SLCO2B1: variants seen among roughly 807,000 people sequenced by gnomAD.
SLCO2B1 encodes the protein OATP-RP2.
A neutral mutation model predicts 67.3 loss-of-function variants in SLCO2B1; 41 were observed. That is an observed-to-expected ratio of 0.61 (90% CI 0.47 to 0.79). SLCO2B1 has a LOEUF of 0.79. SLCO2B1 is among the 30% of genes least tolerant of loss of function. The pLI is 0.00. For missense variants in SLCO2B1, 837 were observed against 920.1 expected (o/e 0.91, Z 1.17); for synonymous variants, 379 against 381.4 (o/e 0.99, Z 0.07).
intron 7 of SLCO2B1, among the ~76,000 whole-genome samples, chr11:75,182,497 C>A (rs532672795): frequency 3.3e-5 from 5 of 152,334 alleles, no homozygotes; most frequent in African/African-American, 1.2e-4. Context: ...AATCTCAGCA[C>A]TTTGGGATGC....
intron 1 of SLCO2B1, chr11:75,160,014 A>C (rs747910648): frequency 3.2e-5 from 8 of 246,166 alleles, no homozygotes; most frequent in Non-Finnish European, 4.5e-5. Flanking sequence ...AGCTAAGTGG[A>C]GGGTCCAGGG....
intron 7 of SLCO2B1, among the ~76,000 whole-genome samples, chr11:75,182,480 C>A (rs938506808): frequency 1.3e-5 from 2 of 152,200 alleles, no homozygotes; most frequent in Admixed American, 1.3e-4. Context: ...CAGTGGCTCA[C>A]GCCTGTAATC....
chr11:75,177,235 T>C (rs1950036910), intron 7 of SLCO2B1, among the ~76,000 whole-genome samples: 1 of 152,206 alleles, frequency 6.6e-6, no homozygotes, highest in Non-Finnish European at 1.5e-5. Context: ...TGTGTTTTTA[T>C]ACCTGTCTAA....
At chr11:75,179,534 C>T (rs1328218088) in intron 7 of SLCO2B1, among the ~76,000 whole-genome samples, 2 of 151,848 alleles carry the variant, frequency 1.3e-5, no homozygotes, top group African/African-American at 4.8e-5. Flanking sequence ...GCCCAGCCTA[C>T]ATGAGATATT....
At chr11:75,166,865 G>A (rs540702721) in intron 4 of SLCO2B1, among the ~76,000 whole-genome samples, 1 of 152,258 alleles carries the variant, frequency 6.6e-6, no homozygotes, top group South Asian at 2.1e-4. Flanking sequence ...GCCTTTCTAG[G>A]GGAAGAAGAC....
chr11:75,156,185 A>G (rs1949744298), intron 1 of SLCO2B1, among the ~76,000 whole-genome samples: 3 of 152,212 alleles, frequency 2.0e-5, no homozygotes, highest in Admixed American at 6.5e-5. Context: ...TGACAAAACA[A>G]ATATTTGAAT....
intron 6 of SLCO2B1, among the ~76,000 whole-genome samples, chr11:75,170,867 T>G (rs965242696): frequency 5.9e-5 from 9 of 152,200 alleles, no homozygotes; most frequent in Non-Finnish European, 1.2e-4. Flanking sequence ...GTGTGTTTTC[T>G]GACTCTGTTG....
At chr11:75,197,642 C>T (rs76427352) in intron 10 of SLCO2B1, among the ~76,000 whole-genome samples, 2 of 152,274 alleles carry the variant, frequency 1.3e-5, no homozygotes, top group East Asian at 1.9e-4. Flanking sequence ...TGTTTGATCA[C>T]GCTTGAGGCC....
At position 75,193,544 on chromosome 11, in the gene SLCO2B1, C is replaced by T; in HGVS notation, c.1402C>T (p.His468Tyr). 4 of 1,568,560 alleles carry T rather than the reference C, an allele frequency of 2.6e-6. No homozygotes were observed. The highest frequency in any genetic ancestry group is 3.5e-6 in the Non-Finnish European group (4 of 1,156,230). Residue 468 changes from histidine (H) to tyrosine (Y), a missense_variant, in exon 9 of 14, where the codon CAC (histidine) becomes TAC (tyrosine). Coordinates refer to ENST00000289575, the MANE Select transcript of SLCO2B1 (RefSeq NM_007256.5). This position sits in a 1 kb window ranked among gnomAD's most constrained non-coding sequence, Gnocchi z 4.2. ...GCTCTTCTTTATCGGCTGCTCCAGC[C>T]ACCAGATTGCGGGCATCACACACCA... ...LPLFFIGCSS[H>Y]QIAGITHQTS...
chr11:75,199,927 T>A, intron 10 of SLCO2B1: 1 of 411,334 alleles, frequency 2.4e-6, no homozygotes, highest in South Asian at 3.8e-5. Flanking sequence ...GTGTGTAGAA[T>A]GTGGGGGAAT....
At position 75,204,680 on chromosome 11, in the gene SLCO2B1, C is replaced by T; in HGVS notation, c.*100C>T. On this transcript the variant is annotated 3_prime_UTR_variant, in exon 14 of 14. Transcript: ENST00000289575. Reference sequence around the variant, plus strand: ...GGTGTCAAGAGCCCTGTGTTCCATTCTGGCTCCTCCACTAAATTGCTGTGT... The same window carrying T: ...GGTGTCAAGAGCCCTGTGTTCCATTTTGGCTCCTCCACTAAATTGCTGTGT... 9.7e-7 allele frequency: 1 copy of T among 1,025,930 alleles called. No homozygotes were observed. The highest frequency in any genetic ancestry group is 2.0e-5 in the South Asian group (1 of 48,984). 63.6% of individuals were successfully genotyped at this position (1,025,930 alleles called of 1,614,324 possible). A position where few individuals can be genotyped will look rare whatever the true frequency, so the allele number is the denominator to read the frequency against.
chr11:75,173,078 C>T lies in SLCO2B1; in HGVS notation c.972+509C>T, dbSNP rs1243966860. 3.3e-5 allele frequency among the ~76,000 whole-genome samples: 5 copies of T among 152,308 alleles called. No individual in the cohort carries two copies. In the East Asian group the frequency reaches 9.6e-4, roughly 29 times the overall value. ...AGAGCCAGTGTTGGAAAGTGACTTA[C>T]CCAAGATCACAAAGCCAGCAAGCAA... On this transcript the variant is annotated intron_variant, in intron 7 of 13. Transcript: ENST00000289575.
At chr11:75,173,741 C>T (rs1057354583) in intron 7 of SLCO2B1, among the ~76,000 whole-genome samples, 30 of 151,852 alleles carry the variant, frequency 2.0e-4, no homozygotes, top group African/African-American at 6.8e-4. Context: ...CACAAAAACA[C>T]GAGGCCTGAA....
At chr11:75,187,089 A>T (rs1232878708) in intron 7 of SLCO2B1, among the ~76,000 whole-genome samples, 1 of 151,790 alleles carries the variant, frequency 6.6e-6, no homozygotes, top group Non-Finnish European at 1.5e-5. Context: ...ATGATTTTTG[A>T]CTCTTATTTC....
At position 75,204,544 on chromosome 11, in the gene SLCO2B1, G is replaced by A. The variant is rs370068844; in HGVS notation, c.2094G>A (p.Ser698=). The change falls in exon 14 of 14, where the codon TCG becomes TCA. Residue 698 remains serine (S), a synonymous_variant. Coordinates refer to ENST00000289575, the MANE Select transcript of SLCO2B1 (RefSeq NM_007256.5). The part of the protein sequence containing the change: ...SPAVEQQLLV[S]GPGKKPEDSR... ...CCGTAGAGCAGCAATTGCTAGTGTC[G>A]GGGCCAGGGAAGAAGCCAGAGGATT... 4.7e-5 allele frequency: 75 copies of A among 1,612,302 alleles called. No individual in the cohort carries two copies. The highest frequency in any genetic ancestry group is 5.8e-5 in the Non-Finnish European group (68 of 1,179,376).
Position 75,203,312 on chromosome 11 carries a change from A to G in SLCO2B1, c.1834A>G (p.Met612Val), listed in dbSNP as rs1398060789. ...CTGAGCACCACCTCCCTCAGCCTGGATGCCCAGCCCCGTGATCCACGGCAG... is the reference window on the plus strand; with the variant it reads ...CTGAGCACCACCTCCCTCAGCCTGGGTGCCCAGCCCCGTGATCCACGGCAG... ...QFMFLRILAW[M>V]PSPVIHGSAI... Residue 612 changes from methionine to valine, a missense_variant, in exon 13 of 14, where the codon ATG becomes GTG. By Grantham distance (21) the Met-to-Val change is conservative (BLOSUM62 1). Transcript: ENST00000289575. 1 of 1,613,584 alleles carries G rather than the reference A, an allele frequency of 6.2e-7. No individual in the cohort carries two copies. The highest frequency in any genetic ancestry group is 2.2e-5 in the East Asian group (1 of 44,858).
chr11:75,178,110 C>A lies in SLCO2B1; in HGVS notation c.972+5541C>A, dbSNP rs992407878. 3.6e-3 allele frequency among the ~76,000 whole-genome samples: 507 copies of A among 140,182 alleles called. 3 individuals carry two copies. The highest frequency in any genetic ancestry group is 0.01 in the African/African-American group (385 of 37,522). The allele number at this position is 140,182 out of a possible 152,430, so 92.0% of individuals were successfully genotyped here. Reference sequence around the variant, plus strand: ...TTCCATCTCAAAAAAAAAAAAAAAACAAAAAACAAAACTCCAAACGCAAGT... The same window carrying A: ...TTCCATCTCAAAAAAAAAAAAAAAAAAAAAAACAAAACTCCAAACGCAAGT... On this transcript the variant is annotated intron_variant, in intron 7 of 13. Coordinates refer to ENST00000289575, the MANE Select transcript of SLCO2B1 (RefSeq NM_007256.5).
chr11:75,156,914 G>A (rs1365984177), intron 1 of SLCO2B1, among the ~76,000 whole-genome samples: 2 of 152,210 alleles, frequency 1.3e-5, no homozygotes, highest in African/African-American at 4.8e-5. Context: ...CATTCTCATC[G>A]CCATCTTGGC....
intron 8 of SLCO2B1, among the ~76,000 whole-genome samples, chr11:75,188,585 G>T (rs947359107): frequency 2.5e-4 from 38 of 152,138 alleles, no homozygotes; most frequent in African/African-American, 8.9e-4. Context: ...AATTAGCTGG[G>T]CATGATGGTG....
Sources: gnomAD v4.1 joint callset for allele counts (sites outside exome capture counted in the v4.1 genomes callset) on GRCh38, gnomAD v4.1.1 for gene constraint, Gnocchi (gnomAD v3.1) non-coding constraint, MANE v1.5 for transcripts, NCBI Gene and HGNC (gene_info 2026-07-23, HGNC 2026-07-21) for gene names.